Variants in PCDHA2 observed in about 807,000 individuals in gnomAD.
The protein encoded by PCDHA2 is protocadherin alpha-2.
PCDHA2 carries 58 observed loss-of-function variants against 66.0 expected under a neutral mutation model. The ratio of observed to expected loss-of-function variants is 0.88; its 90% CI spans 0.71 to 1.09. The LOEUF is 1.09. PCDHA2 is among the 50% of genes least tolerant of loss of function. The probability of loss-of-function intolerance (pLI) is 0.00; values close to 1 mark genes in which losing one functional copy is unlikely to be tolerated. For synonymous variants in PCDHA2, 634 were observed against 554.0 expected, an observed-to-expected ratio of 1.14 and a Z score of -2.03; for missense variants, 1,267 against 1,242.3, an observed-to-expected ratio of 1.02 and a Z score of -0.30.
At chr5:140,853,463 A>G in intron 1 of PCDHA2, 1 of 972,934 alleles carries the variant, frequency 1.0e-6, no homozygotes, top group Non-Finnish European at 1.2e-6. Context: ...CCTTATATGC[A>G]TCTGTAGTTA....
chr5:140,950,426 ACT>A (rs1554219446), intron 1 of PCDHA2, among the ~76,000 whole-genome samples: 5 of 151,872 alleles, frequency 3.3e-5, no homozygotes, highest in African/African-American at 1.2e-4. Flanking sequence ...ATTTTCTTCC[ACT>A]TAAAAAAAAT....
At chr5:140,848,367 G>C in intron 1 of PCDHA2, 3 of 1,100,452 alleles carry the variant, frequency 2.7e-6, no homozygotes, top group Non-Finnish European at 4.0e-6. Context: ...TGGGAAAGAG[G>C]CTCAATTCTT....
At position 140,849,854 on chromosome 5, in the gene PCDHA2, A is replaced by T. The variant is rs1431626107; in HGVS notation, c.2388+52502A>T. 3.8e-6 allele frequency: 6 copies of T among 1,598,364 alleles called. 1 individual carries two copies. Among genetic ancestry groups the T allele is most frequent in the East Asian group, 2.2e-5 (1 of 44,850 alleles). On this transcript the variant is annotated intron_variant, in intron 1 of 3. Coordinates refer to ENST00000526136, the MANE Select transcript of PCDHA2 (RefSeq NM_018905.3). ...TGGCCGACGTGAACGACAACGCACC[A>T]GCGTTCGCGCAGTCCGAGTACACGG...
intron 2 of PCDHA2, 38 bp from the exon 3 acceptor site, chr5:140,982,437 A>G: frequency 6.2e-7 from 1 of 1,613,390 alleles, no homozygotes; most frequent in East Asian, 2.2e-5. Flanking sequence ...GAAAGAATTT[A>G]TGATCTAACC....
chr5:140,846,981 G>T (rs1054383411), intron 1 of PCDHA2, among the ~76,000 whole-genome samples: 3 of 149,582 alleles, frequency 2.0e-5, no homozygotes, highest in Admixed American at 1.3e-4. Flanking sequence ...AAATAAGTAA[G>T]TTCCCCCCGG....
chr5:140,902,415 G>C (rs887303649), intron 1 of PCDHA2, among the ~76,000 whole-genome samples: 24 of 152,178 alleles, frequency 1.6e-4, no homozygotes, highest in Admixed American at 1.3e-3. Flanking sequence ...TTGAATAACA[G>C]TGGTGAAAGT....
intron 1 of PCDHA2, among the ~76,000 whole-genome samples, chr5:140,889,643 G>A (rs141216075): frequency 1.3e-4 from 20 of 152,024 alleles, no homozygotes; most frequent in African/African-American, 4.8e-4. Context: ...ATTTGTGTTT[G>A]CAGGAGATGT....
chr5:140,929,496 G>T, intron 1 of PCDHA2: 14 of 989,736 alleles, frequency 1.4e-5, no homozygotes, highest in Non-Finnish European at 1.8e-5. Context: ...TTAGAAGATT[G>T]CCCTAGGCCT....
intron 1 of PCDHA2, among the ~76,000 whole-genome samples, chr5:140,840,207 TA>T (rs1477576699): frequency 3.9e-5 from 6 of 151,970 alleles, no homozygotes; most frequent in African/African-American, 1.2e-4. Flanking sequence ...AAAGAAGTCA[TA>T]AAAATACATA....
At chr5:140,819,582 A>T (rs2150104654) in intron 1 of PCDHA2, among the ~76,000 whole-genome samples, 4 of 152,166 alleles carry the variant, frequency 2.6e-5, no homozygotes, top group Non-Finnish European at 5.9e-5. Context: ...AAGATTTTTT[A>T]AAATGTTCTT....
intron 1 of PCDHA2, chr5:140,828,462 G>C: frequency 1.9e-6 from 3 of 1,614,208 alleles, no homozygotes; most frequent in Non-Finnish European, 2.5e-6. Context: ...GTGGAGGTGA[G>C]GGACATTAAC....
rs2150503431 is a variant in PCDHA2, at chr5:140,850,946, T to C, written c.2388+53594T>C. 14 of 1,504,084 alleles carry C rather than the reference T, an allele frequency of 9.3e-6. 3 individuals are homozygous for C. Among genetic ancestry groups the C allele is most frequent in the Non-Finnish European group, 1.3e-5 (14 of 1,119,924 alleles). 93.2% of individuals were successfully genotyped at this position (1,504,084 alleles called of 1,614,324 possible). A position where few individuals can be genotyped will look rare whatever the true frequency, so the allele number is the denominator to read the frequency against. ...TAATTTTTTTTCTTGAAAGATATTA[T>C]CGATTACTCCCAGGGGCCGTTCAAA... On this transcript the variant is annotated intron_variant, in intron 1 of 3. Coordinates refer to ENST00000526136, the MANE Select transcript of PCDHA2 (RefSeq NM_018905.3).
intron 1 of PCDHA2, chr5:140,967,929 G>C (rs1554230126): frequency 6.2e-7 from 1 of 1,614,214 alleles, no homozygotes; most frequent in Non-Finnish European, 8.5e-7. Flanking sequence ...GCCGTTCTCA[G>C]TGTCAATGAC....
At chr5:140,901,485 C>T (rs894282962) in intron 1 of PCDHA2, among the ~76,000 whole-genome samples, 1 of 152,086 alleles carries the variant, frequency 6.6e-6, no homozygotes, top group African/African-American at 2.4e-5. Context: ...GTTCTTGGCA[C>T]CTTCATCGAA....
chr5:140,896,764 G>C (rs2153454405), intron 1 of PCDHA2, among the ~76,000 whole-genome samples: 1 of 152,136 alleles, frequency 6.6e-6, no homozygotes, highest in East Asian at 1.9e-4. Context: ...GACCTTTGTT[G>C]GATGCATAGT....
intron 1 of PCDHA2, chr5:140,808,939 G>A (rs1168359860): frequency 4.3e-6 from 7 of 1,613,608 alleles, no homozygotes; most frequent in East Asian, 2.2e-5. Flanking sequence ...TGCCATGGTC[G>A]GTGGGTGTGG....
chr5:140,883,726 G>A, intron 1 of PCDHA2: 2 of 1,613,590 alleles, frequency 1.2e-6, no homozygotes, highest in Non-Finnish European at 1.7e-6. Context: ...ACGCACAGGA[G>A]AACGCGCTGG....
rs79215949 is a variant in PCDHA2 at position 140,921,420 on chromosome 5, C to T, written c.2389-57529C>T. Among the ~76,000 whole-genome samples, 1,220 of 152,204 alleles carry T rather than the reference C, an allele frequency of 8.0e-3. 6 individuals carry two copies. The highest frequency in any genetic ancestry group is 0.019 in the African/African-American group (786 of 41,526). On this transcript the variant is annotated intron_variant, in intron 1 of 3. Coordinates refer to ENST00000526136, the MANE Select transcript of PCDHA2 (RefSeq NM_018905.3). Reference sequence around the variant, plus strand: ...ACTAGATTTTCCTCTGTGCTGCAGACAAAAATTTTCTTCAATGGTGTCTGA... The same window carrying T: ...ACTAGATTTTCCTCTGTGCTGCAGATAAAAATTTTCTTCAATGGTGTCTGA...
intron 1 of PCDHA2, among the ~76,000 whole-genome samples, chr5:140,946,631 T>TATATATTATATATATATATATATATACAC (rs57893927): frequency 7.6e-6 from 1 of 131,846 alleles, no homozygotes; most frequent in African/African-American, 3.5e-5. Flanking sequence ...TATATATATA[T>TATATATTATATATATATATATATATACAC]ACAATGGAAT....
Sources: allele counts gnomAD v4.1 joint callset (sites outside exome capture counted in the v4.1 genomes callset), GRCh38; gene constraint gnomAD v4.1.1; transcripts MANE v1.5; gene names NCBI Gene and HGNC (gene_info 2026-07-23, HGNC 2026-07-21).